The following AMPD3 variants were observed in gnomAD, a reference collection of about 807,000 sequenced individuals.
AMPD3 encodes the protein AMP deaminase 3.
Under a neutral mutation model 82.3 loss-of-function variants are expected in AMPD3, and 57 were observed. The ratio of observed to expected loss-of-function variants is 0.69; its 90% CI spans 0.56 to 0.86. The LOEUF is 0.86. Among genes scored for constraint, AMPD3 ranks in the 40% least tolerant of loss-of-function variants. The pLI is 0.00. For missense variants in AMPD3, 870 were observed against 1,003.8 expected (o/e 0.87, Z 1.80); for synonymous variants, 381 against 394.7 (o/e 0.97, Z 0.41).
intron 5 of AMPD3, 105 bp from the exon 6 acceptor site, chr11:10,487,130 T>A: frequency 6.3e-7 from 1 of 1,591,358 alleles, no homozygotes; most frequent in African/African-American, 1.3e-5. Context: ...CCCTGCTCCG[T>A]CCTGACCCTT....
intron 2 of AMPD3, among the ~76,000 whole-genome samples, chr11:10,474,698 G>A (rs1421735548): frequency 2.6e-5 from 4 of 152,218 alleles, no homozygotes; most frequent in African/African-American, 9.6e-5. Flanking sequence ...ATCTATTTCA[G>A]GGATGACAAA....
chr11:10,464,820 C>T (rs1848373579), intron 2 of AMPD3, among the ~76,000 whole-genome samples: 1 of 152,222 alleles, frequency 6.6e-6, no homozygotes, highest in Admixed American at 6.5e-5. Flanking sequence ...CCTATTTATT[C>T]TTACTTTACA....
chr11:10,502,991 T>C (rs1306349573), intron 13 of AMPD3, 97 bp downstream of exon 13: 16 of 1,436,572 alleles, frequency 1.1e-5, no homozygotes, highest in Non-Finnish European at 1.4e-5. Flanking sequence ...TTAGTTCTGC[T>C]TTTGGGGTGG....
At chr11:10,467,147 A>T (rs1848444583) in intron 2 of AMPD3, among the ~76,000 whole-genome samples, 1 of 152,192 alleles carries the variant, frequency 6.6e-6, no homozygotes, top group Non-Finnish European at 1.5e-5. Flanking sequence ...CAAGGGAAAA[A>T]AACTGGACAG....
chr11:10,496,638 C>T, intron 9 of AMPD3, 174 bp from the exon 10 acceptor site: 1 of 1,441,976 alleles, frequency 6.9e-7, no homozygotes, highest in Non-Finnish European at 9.3e-7. Context: ...CAGAATATTG[C>T]AGACATTGCT....
At chr11:10,469,393 TAGA>T (rs1348307657) in intron 2 of AMPD3, among the ~76,000 whole-genome samples, 1 of 152,156 alleles carries the variant, frequency 6.6e-6, no homozygotes, top group Non-Finnish European at 1.5e-5. Flanking sequence ...TTAGAAAATC[TAGA>T]AGAATTGGAT....
At chr11:10,473,828 C>T (rs1337689580) in intron 2 of AMPD3, among the ~76,000 whole-genome samples, 1 of 152,162 alleles carries the variant, frequency 6.6e-6, no homozygotes, top group Non-Finnish European at 1.5e-5. Context: ...CAGTGTGAGC[C>T]TATGGAAGTG....
chr11:10,481,908 T>C (rs906000005), intron 3 of AMPD3, 155 bp from the exon 4 acceptor site: 22 of 868,540 alleles, frequency 2.5e-5, no homozygotes, highest in Admixed American at 8.8e-5. Flanking sequence ...TTAGGTGCAA[T>C]GAACCACTCT....
intron 11 of AMPD3, chr11:10,500,933 T>C (rs1849562309): frequency 1.0e-6 from 1 of 985,134 alleles, no homozygotes; most frequent in African/African-American, 1.7e-5. Context: ...CCTAAACTGG[T>C]GCTAGTTGGT....
chr11:10,486,876 A>G (rs892143521), intron 5 of AMPD3: 2 of 985,306 alleles, frequency 2.0e-6, no homozygotes, highest in African/African-American at 3.5e-5. Flanking sequence ...GCCCTTTCCC[A>G]GGCATAAACC....
chr11:10,487,553 G>A (rs564375918), intron 6 of AMPD3, among the ~76,000 whole-genome samples, 189 bp downstream of exon 6: 5 of 152,332 alleles, frequency 3.3e-5, no homozygotes, highest in African/African-American at 9.6e-5. Context: ...TTTGTGTCAG[G>A]CTGGGCCTCA....
intron 10 of AMPD3, 168 bp from the exon 11 acceptor site, chr11:10,499,918 A>T: frequency 1.0e-6 from 1 of 983,172 alleles, no homozygotes; most frequent in Non-Finnish European, 1.2e-6. Context: ...CCCACTTTTC[A>T]TCCCTGGGAG....
chr11:10,463,207 G>T (rs1287351076), intron 2 of AMPD3, among the ~76,000 whole-genome samples: 4 of 152,114 alleles, frequency 2.6e-5, no homozygotes, highest in Non-Finnish European at 4.4e-5. Flanking sequence ...TTTCTTGGTT[G>T]TGTAGAAGCT....
intron 2 of AMPD3, among the ~76,000 whole-genome samples, chr11:10,476,253 A>G (rs1486200840): frequency 6.6e-6 from 1 of 152,162 alleles, no homozygotes; most frequent in Admixed American, 6.5e-5. Context: ...GTGCCTACAG[A>G]GTCTGAGCTC....
chr11:10,473,630 T>A (rs1848655665), intron 2 of AMPD3: 1 of 979,246 alleles, frequency 1.0e-6, no homozygotes, highest in Middle Eastern at 5.2e-4. Context: ...GCGGAGTGAG[T>A]GATCTCTGTG....
intron 8 of AMPD3, 152 bp downstream of exon 8, chr11:10,495,182 TG>T: frequency 6.3e-7 from 1 of 1,579,002 alleles, no homozygotes; most frequent in Non-Finnish European, 8.6e-7. Context: ...CCCAGTGCTG[TG>T]GTCTGGCTGC....
At chr11:10,470,879 A>C (rs1257053317) in intron 2 of AMPD3, among the ~76,000 whole-genome samples, 1 of 152,224 alleles carries the variant, frequency 6.6e-6, no homozygotes, top group Non-Finnish European at 1.5e-5. Context: ...GAAAATGGCC[A>C]TACTGCCCAA....
chr11:10,501,478 G>T lies in AMPD3; in HGVS notation c.1730G>T (p.Gly577Val), dbSNP rs1478011100. 6 of 1,614,050 alleles carry T rather than the reference G, an allele frequency of 3.7e-6. No homozygotes were observed. The South Asian group carries it at 6.6e-5, about 18-fold the overall frequency. ...MVLNNLRRER[G>V]LSTFLFRPHC... is the part of the protein sequence containing the mutation. ...AACCCCTTCTCTTACAGGGAGCGCG[G>T]CCTGAGCACGTTCCTGTTCCGGCCG... is the stretch of plus-strand genomic sequence containing the variant. Residue 577 changes from glycine (G) to valine (V), a missense_variant, in exon 12 of 15, where the codon GGC becomes GTC. Gly to Val is a moderately radical substitution (Grantham distance 109). Transcript: ENST00000396553.
intron 5 of AMPD3, among the ~76,000 whole-genome samples, chr11:10,485,622 C>T (rs1849045536): frequency 6.6e-6 from 1 of 152,114 alleles, no homozygotes; most frequent in Non-Finnish European, 1.5e-5. Context: ...TGGCTGTCAT[C>T]CCTCTCCCCA....
Sources: gnomAD v4.1 joint callset for allele counts (sites outside exome capture counted in the v4.1 genomes callset) on GRCh38, gnomAD v4.1.1 for gene constraint, MANE v1.5 for transcripts, NCBI Gene and HGNC (gene_info 2026-07-23, HGNC 2026-07-21) for gene names.